SIMC1: variants seen among roughly 807,000 people sequenced by gnomAD.
The protein encoded by SIMC1 is SUMO interacting motifs containing 1.
Under a neutral mutation model 82.3 loss-of-function variants are expected in SIMC1, and 55 were observed. The ratio of observed to expected loss-of-function variants is 0.67; its 90% CI spans 0.54 to 0.84. The LOEUF (loss-of-function observed/expected upper bound fraction) is 0.84, where lower values mean the gene tolerates loss of function less well. Ranked by LOEUF, SIMC1 falls within the 40% of genes least tolerant of loss-of-function variation. The pLI, the probability that SIMC1 is intolerant of heterozygous loss-of-function variation, is 0.00. For missense variants in SIMC1, 915 were observed against 1,107.2 expected (o/e 0.83, Z 2.46); for synonymous variants, 353 against 426.3 (o/e 0.83, Z 2.12).
rs542930317 is a variant in SIMC1, at chr5:176,254,000, A to G, written c.129+15363A>G. Among the ~76,000 whole-genome samples, 324 of 152,200 alleles carry G rather than the reference A, an allele frequency of 2.1e-3. 2 individuals are homozygous for G. Among genetic ancestry groups the G allele is most frequent in the African/African-American group, 7.4e-3 (308 of 41,546 alleles). Reference sequence around the variant, plus strand: ...TCTTATTTTGCATATATGGGTCTCAACTTTCCCAAAGGCCATTATCTAGTT... The same window carrying G: ...TCTTATTTTGCATATATGGGTCTCAGCTTTCCCAAAGGCCATTATCTAGTT... On this transcript the variant is annotated intron_variant, in intron 1 of 9. Coordinates refer to ENST00000429602, the MANE Select transcript of SIMC1 (RefSeq NM_001308195.2).
intron 7 of SIMC1, among the ~76,000 whole-genome samples, chr5:176,333,972 A>G (rs1765781147): frequency 6.6e-6 from 1 of 150,446 alleles, no homozygotes; most frequent in Non-Finnish European, 1.5e-5. Context: ...TTGGAACTAG[A>G]GTTAACATTT....
intron 1 of SIMC1, among the ~76,000 whole-genome samples, chr5:176,272,395 AC>A (rs1171598901): frequency 7.3e-5 from 11 of 151,628 alleles, no homozygotes; most frequent in African/African-American, 1.2e-4. Context: ...AAAAAAAAAA[AC>A]ATACAGATTG....
chr5:176,311,943 G>A (rs1057480436), intron 4 of SIMC1, among the ~76,000 whole-genome samples: 1 of 152,178 alleles, frequency 6.6e-6, no homozygotes, highest in Non-Finnish European at 1.5e-5. Flanking sequence ...CAGGGCTGGT[G>A]TAACATCCTT....
At chr5:176,307,141 T>TA (rs1050774092) in intron 4 of SIMC1, among the ~76,000 whole-genome samples, 7 of 152,122 alleles carry the variant, frequency 4.6e-5, no homozygotes, top group South Asian at 2.1e-4. Context: ...CACTATTTTT[T>TA]AAAAAAACAA....
At chr5:176,318,651 G>T (rs1295332135) in intron 5 of SIMC1, among the ~76,000 whole-genome samples, 1 of 152,176 alleles carries the variant, frequency 6.6e-6, no homozygotes, top group East Asian at 1.9e-4. Context: ...AGGTGTATAG[G>T]AAGTAAAGTT....
intron 9 of SIMC1, among the ~76,000 whole-genome samples, chr5:176,339,685 A>G (rs1766047199): frequency 6.6e-6 from 1 of 152,192 alleles, no homozygotes; most frequent in Non-Finnish European, 1.5e-5. Flanking sequence ...AATATTTTTT[A>G]TGTTTTGATA....
chr5:176,280,620 C>T lies in SIMC1; in HGVS notation c.130-9034C>T, dbSNP rs558216013. 1.2e-4 allele frequency among the ~76,000 whole-genome samples: 18 copies of T among 151,948 alleles called. No homozygotes were observed. In the South Asian group the frequency reaches 2.1e-3, roughly 18 times the overall value. ...AGTGCTTCCTTCAGGAGCTCTTGTA[C>T]GGCAGGCCTGGTGGTGACAAAATCT... On this transcript the variant is annotated intron_variant, in intron 1 of 9. Coordinates refer to ENST00000429602, the MANE Select transcript of SIMC1 (RefSeq NM_001308195.2).
chr5:176,338,683 C>T (rs900655231), intron 9 of SIMC1, among the ~76,000 whole-genome samples: 11 of 151,984 alleles, frequency 7.2e-5, no homozygotes, highest in Non-Finnish European at 1.0e-4. Context: ...GTGAAATACA[C>T]CTGCCCATGA....
chr5:176,266,085 T>G (rs1185982450), intron 1 of SIMC1, among the ~76,000 whole-genome samples: 3 of 152,134 alleles, frequency 2.0e-5, no homozygotes, highest in Non-Finnish European at 4.4e-5. Context: ...TGAAACTGCC[T>G]CACAGTTAAA....
rs772361377 is a variant in SIMC1 at position 176,290,368 on chromosome 5, T to A, written c.844T>A (p.Ser282Thr). ...RQNIPGPPQDSLGLPQDVPGL... is the reference protein window; with the variant it reads ...RQNIPGPPQDTLGLPQDVPGL... Reference sequence around the variant, plus strand: ...GAATATCCCAGGCCCACCTCAAGACTCTCTGGGCCTACCTCAAGATGTGCC... The same window carrying A: ...GAATATCCCAGGCCCACCTCAAGACACTCTGGGCCTACCTCAAGATGTGCC... Residue 282 changes from serine (S) to threonine (T), a missense_variant, in exon 2 of 10, where the codon TCT becomes ACT. By Grantham distance (58) the Ser-to-Thr change is moderately conservative (BLOSUM62 1). This residue lies in a region of SIMC1 where 902 missense variants were observed against 1,040.3 expected (regional missense o/e 0.87). Coordinates refer to ENST00000429602, the MANE Select transcript of SIMC1 (RefSeq NM_001308195.2). 19 of 1,613,770 alleles carry A rather than the reference T, an allele frequency of 1.2e-5. No individual in the cohort carries two copies. In the South Asian group the frequency reaches 1.8e-4, roughly 15 times the overall value.
At chr5:176,332,922 C>T (rs1324780765) in intron 7 of SIMC1, among the ~76,000 whole-genome samples, 1 of 152,094 alleles carries the variant, frequency 6.6e-6, no homozygotes, top group East Asian at 1.9e-4. Flanking sequence ...ATAGCCACAC[C>T]CACTTCCCTC....
intron 1 of SIMC1, among the ~76,000 whole-genome samples, chr5:176,251,350 G>A (rs1046481859): frequency 9.2e-5 from 14 of 152,096 alleles, no homozygotes; most frequent in African/African-American, 2.9e-4. Flanking sequence ...CAGAGCAAGC[G>A]AGACTCCACC....
chr5:176,260,734 C>G (rs1413144683), intron 1 of SIMC1, among the ~76,000 whole-genome samples: 1 of 152,122 alleles, frequency 6.6e-6, no homozygotes, highest in Non-Finnish European at 1.5e-5. Context: ...TTGTGACATC[C>G]TAGTGTCTGA....
At chr5:176,273,429 G>C (rs1762535760) in intron 1 of SIMC1, among the ~76,000 whole-genome samples, 1 of 152,112 alleles carries the variant, frequency 6.6e-6, no homozygotes, top group African/African-American at 2.4e-5. Context: ...AACCCCATCT[G>C]TATGTCACCA....
intron 1 of SIMC1, among the ~76,000 whole-genome samples, chr5:176,278,941 T>G (rs1475593017): frequency 3.9e-5 from 6 of 152,082 alleles, no homozygotes; most frequent in Non-Finnish European, 7.4e-5. Flanking sequence ...CCCGGCTTTG[T>G]TATCAGAATG....
intron 1 of SIMC1, among the ~76,000 whole-genome samples, chr5:176,280,129 C>T (rs530087631): frequency 1.4e-4 from 21 of 152,106 alleles, no homozygotes; most frequent in Admixed American, 3.3e-4. Flanking sequence ...GTAGGTCACT[C>T]AGGACTTGCT....
intron 7 of SIMC1, among the ~76,000 whole-genome samples, chr5:176,329,109 A>T (rs910898633): frequency 5.9e-5 from 9 of 152,140 alleles, no homozygotes; most frequent in Non-Finnish European, 1.2e-4. Flanking sequence ...TCATGCACTC[A>T]TTTGTGTGAA....
chr5:176,342,674 A>G (rs2113426395), intron 9 of SIMC1, among the ~76,000 whole-genome samples: 1 of 152,086 alleles, frequency 6.6e-6, no homozygotes, highest in Middle Eastern at 3.4e-3. Flanking sequence ...TTCTCCATGG[A>G]CTGCTTTTCC....
At chr5:176,325,896 G>T (rs1253745967) in intron 7 of SIMC1, among the ~76,000 whole-genome samples, 1 of 152,114 alleles carries the variant, frequency 6.6e-6, no homozygotes, top group Non-Finnish European at 1.5e-5. Context: ...CCTATAGAAT[G>T]ACCCCAGATA....
Sources: allele counts gnomAD v4.1 joint callset (sites outside exome capture counted in the v4.1 genomes callset), GRCh38; gene constraint gnomAD v4.1.1; regional missense constraint gnomAD v4.1.1; transcripts MANE v1.5; gene names NCBI Gene and HGNC (gene_info 2026-07-23, HGNC 2026-07-21).